GNB1: variants seen among roughly 807,000 people sequenced by gnomAD.
The protein encoded by GNB1 is G protein subunit beta 1, also known as guanine nucleotide-binding protein G(I)/G(S)/G(T) subunit beta-1.
Under a neutral mutation model 42.9 loss-of-function variants are expected in GNB1, and 2 were observed. The ratio of observed to expected loss-of-function variants is 0.05; its 90% confidence interval spans 0.02 to 0.15. The LOEUF (loss-of-function observed/expected upper bound fraction) is 0.15, where lower values mean the gene tolerates loss of function less well. Ranked by LOEUF, GNB1 falls within the 10% of genes least tolerant of loss-of-function variation. The probability of loss-of-function intolerance (pLI) is 1.00; values close to 1 mark genes in which losing one functional copy is unlikely to be tolerated. For synonymous variants in GNB1, 183 were observed against 174.7 expected (o/e 1.05, Z -0.38); for missense variants, 193 against 462.2 (o/e 0.42, Z 5.34).
intron 1 of GNB1, among the ~76,000 whole-genome samples, chr1:1,872,908 ATAT>A (rs1342619779): frequency 6.6e-6 from 1 of 152,180 alleles, no homozygotes; most frequent in African/African-American, 2.4e-5. Flanking sequence ...CACAGATACC[ATAT>A]TATTAACTGG....
chr1:1,845,272 G>T (rs889159006), intron 1 of GNB1, among the ~76,000 whole-genome samples: 2 of 152,156 alleles, frequency 1.3e-5, no homozygotes, highest in Admixed American at 1.3e-4. Flanking sequence ...CATATTGGTG[G>T]CATAATAATG....
intron 1 of GNB1, among the ~76,000 whole-genome samples, chr1:1,873,358 G>A (rs1423281462): frequency 2.6e-5 from 4 of 152,248 alleles, no homozygotes; most frequent in Non-Finnish European, 5.9e-5. Flanking sequence ...TGGAGAGGCA[G>A]GCTGAGGAGA....
intron 7 of GNB1, among the ~76,000 whole-genome samples, chr1:1,794,799 C>T (rs1391932147): frequency 6.6e-6 from 1 of 152,170 alleles, no homozygotes; most frequent in African/African-American, 2.4e-5. Flanking sequence ...AAGCGATTCT[C>T]CTGCCTCAGC....
At chr1:1,810,049 AAAGGGAGACCC>A (rs1270557743) in intron 5 of GNB1, among the ~76,000 whole-genome samples, 1 of 152,006 alleles carries the variant, frequency 6.6e-6, no homozygotes, top group African/African-American at 2.4e-5. Flanking sequence ...CATGGGCAAC[AAAGGGAGACCC>A]TGTCTCCACA....
chr1:1,856,525 T>C (rs2101596302), intron 1 of GNB1, among the ~76,000 whole-genome samples: 1 of 152,332 alleles, frequency 6.6e-6, no homozygotes, highest in Non-Finnish European at 1.5e-5. Flanking sequence ...CCTCCTGGGT[T>C]CAGGTGATTC....
chr1:1,835,203 C>T lies in GNB1; in HGVS notation c.-47+3987G>A, dbSNP rs572355910. 9.8e-5 allele frequency among the ~76,000 whole-genome samples: 15 copies of T among 152,298 alleles called. No individual in the cohort carries two copies. In the East Asian group the frequency reaches 2.9e-3, roughly 29 times the overall value. On this transcript the variant is annotated intron_variant, in intron 2 of 11. Coordinates refer to ENST00000378609, the MANE Select transcript of GNB1 (RefSeq NM_002074.5). ...CATTTGCAGGTCCAGCCCACTTAAGCAGGACCAATGATGTCTGACAGCCCT... is the reference window on the plus strand; with the variant it reads ...CATTTGCAGGTCCAGCCCACTTAAGTAGGACCAATGATGTCTGACAGCCCT...
rs1435020110 is a variant in GNB1 at position 1,864,334 on chromosome 1, A to AAAAAG, written c.-95-25097_-95-25096insCTTTT. ...TCTCTCAAAAAAAAAAAAAAAAAAA[A>AAAAAG]AAGAAGAAAACCCCACGAAAAAACT... On this transcript the variant is annotated intron_variant, in intron 1 of 11. Coordinates refer to ENST00000378609, the MANE Select transcript of GNB1 (RefSeq NM_002074.5). Among the ~76,000 whole-genome samples, 7 of 130,570 alleles carry AAAAAG rather than the reference A, an allele frequency of 5.4e-5. No homozygotes were observed. In the East Asian group the frequency reaches 7.7e-4, roughly 14 times the overall value. 85.7% of individuals were successfully genotyped at this position (130,570 alleles called of 152,430 possible).
intron 1 of GNB1, chr1:1,890,361 C>A: frequency 6.6e-6 from 1 of 151,452 alleles, no homozygotes; most frequent in South Asian, 2.1e-4. Flanking sequence ...CCCTCAAAGT[C>A]ACCCCGATAG....
intron 1 of GNB1, among the ~76,000 whole-genome samples, chr1:1,884,311 G>A (rs1650026394): frequency 6.6e-6 from 1 of 152,058 alleles, no homozygotes; most frequent in Admixed American, 6.6e-5. Context: ...ATGTTGGCCA[G>A]GCTGATCCAC....
intron 5 of GNB1, among the ~76,000 whole-genome samples, chr1:1,814,189 C>A (rs1646819115): frequency 6.6e-6 from 1 of 152,072 alleles, no homozygotes. Flanking sequence ...ATAGAACAAA[C>A]TAAAGATAGA....
intron 1 of GNB1, among the ~76,000 whole-genome samples, chr1:1,881,366 T>A (rs1649837123): frequency 6.6e-6 from 1 of 152,012 alleles, no homozygotes; most frequent in Admixed American, 6.6e-5. Flanking sequence ...CCCCATCAGA[T>A]CAATCTCCTT....
intron 1 of GNB1, among the ~76,000 whole-genome samples, chr1:1,851,738 T>C (rs949955382): frequency 1.1e-4 from 16 of 152,138 alleles, no homozygotes; most frequent in Non-Finnish European, 1.5e-5. Context: ...GGCAGTAGAC[T>C]GAATGTCTGT....
At chr1:1,823,242 GAAAAAAA>G (rs745874003) in intron 3 of GNB1, among the ~76,000 whole-genome samples, 17 of 36,844 alleles carry the variant, frequency 4.6e-4, no homozygotes, top group Admixed American at 3.2e-3. Context: ...ACTGTCTCCA[GAAAAAAA>G]AAAAAAAAAA....
rs775479565 is a variant in GNB1, at chr1:1,786,890, T to A, written c.*173A>T. On this transcript the variant is annotated 3_prime_UTR_variant, in exon 12 of 12. Coordinates refer to ENST00000378609, the MANE Select transcript of GNB1 (RefSeq NM_002074.5). ...ACAGAGATCTTTCTCTCAATGGGAATTGTGCTCTTGGTTTCAGCAATAAGT... is the reference window on the plus strand; with the variant it reads ...ACAGAGATCTTTCTCTCAATGGGAAATGTGCTCTTGGTTTCAGCAATAAGT... 1.3e-5 allele frequency: 2 copies of A among 153,124 alleles called. No homozygotes were observed. The highest frequency in any genetic ancestry group is 3.8e-4 in the East Asian group (2 of 5,200). 9.5% of individuals were successfully genotyped at this position (153,124 alleles called of 1,614,324 possible). A position where few individuals can be genotyped will look rare whatever the true frequency, so the allele number is the denominator to read the frequency against.
chr1:1,790,426 G>C lies in GNB1; in HGVS notation c.668C>G (p.Thr223Ser), dbSNP rs371280820. 2 of 1,614,010 alleles carry C rather than the reference G, an allele frequency of 1.2e-6. No homozygotes were observed. Among genetic ancestry groups the C allele is most frequent in the Non-Finnish European group, 1.7e-6 (2 of 1,179,870 alleles). ...VREGMCRQTF[T>S]GHESDINAIC... is the part of the protein sequence containing the mutation. ...GGCATTGATGTCAGACTCGTGGCCAGTGAAGGTCTGCCGGCACATGCCTTC... is the reference window on the plus strand; with the variant it reads ...GGCATTGATGTCAGACTCGTGGCCACTGAAGGTCTGCCGGCACATGCCTTC... The change falls in exon 9 of 12, where the codon ACT becomes AGT. Residue 223 changes from threonine to serine, a missense_variant. Physicochemically the swap from Thr to Ser is moderately conservative, Grantham distance 58. Around this residue, in one of 2 missense-constraint regions of GNB1, gnomAD observed 150 missense variants for 410.8 expected, o/e 0.37. Coordinates refer to ENST00000378609, the MANE Select transcript of GNB1 (RefSeq NM_002074.5). The surrounding 1 kb of genome is among the most constrained non-coding windows in gnomAD (Gnocchi z 5.4).
At position 1,844,156 on chromosome 1, in the gene GNB1, C is replaced by G. The variant is rs1187384014; in HGVS notation, c.-95-4918G>C. Among the ~76,000 whole-genome samples, 6 of 151,718 alleles carry G rather than the reference C, an allele frequency of 4.0e-5. No individual in the cohort carries two copies. The East Asian group carries it at 1.2e-3, about 29-fold the overall frequency. The stretch of plus-strand genomic sequence containing the variant: ...CTTGCAGTGAGCTGAGATTGCGTCA[C>G]TGCACTCCAGCCTGGGTGACAGAGC... On this transcript the variant is annotated intron_variant, in intron 1 of 11. Transcript: ENST00000378609.
chr1:1,818,741 T>C lies in GNB1; in HGVS notation c.58-866A>G, dbSNP rs192169725. On this transcript the variant is annotated intron_variant, in intron 3 of 11. Transcript: ENST00000378609. Reference sequence around the variant, plus strand: ...AGCTGGGTGTGGTGGCGCACGCCTGTAATCCCAGCTACTCAGGAGGCTGAG... The same window carrying C: ...AGCTGGGTGTGGTGGCGCACGCCTGCAATCCCAGCTACTCAGGAGGCTGAG... 6.3e-3 allele frequency among the ~76,000 whole-genome samples: 958 copies of C among 152,154 alleles called. 6 individuals carry two copies. Among genetic ancestry groups the C allele is most frequent in the Non-Finnish European group, 0.011 (715 of 67,996 alleles).
intron 1 of GNB1, among the ~76,000 whole-genome samples, chr1:1,885,969 A>G (rs1170565420): frequency 6.6e-6 from 1 of 151,362 alleles, no homozygotes; most frequent in East Asian, 1.9e-4. Flanking sequence ...CATGGCACCC[A>G]ATGGTAGGCA....
chr1:1,878,836 T>C (rs753524626), intron 1 of GNB1, among the ~76,000 whole-genome samples: 3 of 152,168 alleles, frequency 2.0e-5, no homozygotes, highest in Non-Finnish European at 4.4e-5. Flanking sequence ...CTCCGACTAC[T>C]TTCCTACAAG....
Sources: gnomAD v4.1 joint callset for allele counts (sites outside exome capture counted in the v4.1 genomes callset) on GRCh38, gnomAD v4.1.1 for gene constraint, gnomAD v4.1.1 regional missense constraint, Gnocchi (gnomAD v3.1) non-coding constraint, MANE v1.5 for transcripts, NCBI Gene and HGNC (gene_info 2026-07-23, HGNC 2026-07-21) for gene names.